ACAN: variants seen among roughly 807,000 people sequenced by gnomAD.
The protein encoded by ACAN is aggrecan core protein.
Under a neutral mutation model 169.1 loss-of-function variants are expected in ACAN, and 47 were observed. That is an observed-to-expected ratio of 0.28 (90% CI 0.22 to 0.35). The LOEUF (loss-of-function observed/expected upper bound fraction) is 0.35, where lower values mean the gene tolerates loss of function less well. Ranked by LOEUF, ACAN falls within the 10% of genes least tolerant of loss-of-function variation. The pLI is 1.00. For missense variants in ACAN, 2,716 were observed against 2,759.9 expected (o/e 0.98, Z 0.36); for synonymous variants, 1,115 against 1,112.2 (o/e 1.00, Z -0.05).
chr15:88,867,304 CAG>C (rs1835181809), intron 13 of ACAN, among the ~76,000 whole-genome samples: 1 of 152,176 alleles, frequency 6.6e-6, no homozygotes, highest in African/African-American at 2.4e-5. Flanking sequence ...ACCAGAAGAA[CAG>C]AAGAGAAGAG....
chr15:88,859,801 T>C (rs1282296504), intron 12 of ACAN, among the ~76,000 whole-genome samples: 1 of 152,218 alleles, frequency 6.6e-6, no homozygotes, highest in Non-Finnish European at 1.5e-5. Flanking sequence ...TAGATAGTGC[T>C]AGAAATTCTG....
chr15:88,856,878 G>T lies in ACAN; in HGVS notation c.4293G>T (p.Gly1431=). ...TTAPGVDEIS[G]LPSGEVLETT... ...CCCCTGGAGTAGATGAGATCAGTGG[G>T]CTTCCTTCTGGAGAAGTTCTAGAGA... The change falls in exon 12 of 19, where the codon GGG becomes GGT. Residue 1431 remains glycine, a synonymous_variant. Transcript: ENST00000560601. 3 of 1,591,812 alleles carry T rather than the reference G, an allele frequency of 1.9e-6. No homozygotes were observed. The highest frequency in any genetic ancestry group is 1.8e-4 in the Middle Eastern group (1 of 5,458).
rs766310483 is a variant in ACAN at position 88,851,960 on chromosome 15, G to T, written c.2193G>T (p.Glu731Asp). Residue 731 changes from glutamate (E) to aspartate (D), a missense_variant, in exon 11 of 19, where the codon GAG (glutamate) becomes GAT (aspartate). Around this residue, in one of 3 missense-constraint regions of ACAN, gnomAD observed 1,283 missense variants for 1,281.5 expected, o/e 1.00. Transcript: ENST00000560601. The surrounding 1 kb of genome is among the most constrained non-coding windows in gnomAD (Gnocchi z 4.3). ...CAGGGGAGACTACTGCCATCCTAGA[G>T]TTCACCACCGAGCCAGAAAACCAGA... ...VPSGETTAIL[E>D]FTTEPENQTE... The T allele has an allele frequency of 1.2e-5, 19 of 1,612,386 alleles. No homozygotes were observed. The highest frequency in any genetic ancestry group is 1.5e-5 in the Non-Finnish European group (18 of 1,179,332).
intron 4 of ACAN, among the ~76,000 whole-genome samples, chr15:88,840,937 G>A (rs1000487368): frequency 6.6e-6 from 1 of 152,194 alleles, no homozygotes; most frequent in Non-Finnish European, 1.5e-5. Flanking sequence ...GAAGTCAGGA[G>A]ATCGAGACCA....
intron 1 of ACAN, among the ~76,000 whole-genome samples, chr15:88,815,637 T>A (rs1242323779): frequency 2.1e-4 from 12 of 58,066 alleles, no homozygotes; most frequent in Admixed American, 4.3e-4. Flanking sequence ...TTTCAAGACA[T>A]GAAATGTTCT....
rs776985817 is a variant in ACAN at position 88,843,475 on chromosome 15, G to C, written c.878G>C (p.Gly293Ala). The C allele has an allele frequency of 1.2e-6, 2 of 1,611,956 alleles. No individual in the cohort carries two copies. Among genetic ancestry groups the C allele is most frequent in the Non-Finnish European group, 1.7e-6 (2 of 1,179,176 alleles). ...CAGCTCTACCTGGCCTGGCAGGCTGGCATGGACATGTGCAGCGCCGGCTGG... is the reference window on the plus strand; with the variant it reads ...CAGCTCTACCTGGCCTGGCAGGCTGCCATGGACATGTGCAGCGCCGGCTGG... ...TGQLYLAWQA[G>A]MDMCSAGWLA... is the part of the protein sequence containing the mutation. The change falls in exon 6 of 19, where the codon GGC becomes GCC. Residue 293 changes from glycine (G) to alanine (A), a missense_variant. This residue lies in a region of ACAN where 1,283 missense variants were observed against 1,281.5 expected (regional missense o/e 1.00). Coordinates refer to ENST00000560601, the MANE Select transcript of ACAN (RefSeq NM_001369268.1). This position sits in a 1 kb window ranked among gnomAD's most constrained non-coding sequence, Gnocchi z 4.0.
In ACAN at chr15:88,872,049, C is replaced by T. The variant is rs756998612; in HGVS notation, c.7266C>T (p.Ile2422=). Residue 2422 remains isoleucine (I), a synonymous_variant, in exon 16 of 19, where the codon ATC becomes ATT. Transcript: ENST00000560601. This position sits in a 1 kb window ranked among gnomAD's most constrained non-coding sequence, Gnocchi z 5.4. ...GGATCGGCCTGAACGACAGGACCAT[C>T]GAAGGGGACTTCCGCTGGTCAGATG... ...YQWIGLNDRT[I]EGDFRWSDGH... 1.9e-5 allele frequency: 30 copies of T among 1,613,936 alleles called. No individual in the cohort carries two copies. The African/African-American group carries it at 1.9e-4, about 10-fold the overall frequency.
intron 1 of ACAN, among the ~76,000 whole-genome samples, chr15:88,816,743 T>A (rs1034125984): frequency 6.6e-6 from 1 of 152,194 alleles, no homozygotes; most frequent in Non-Finnish European, 1.5e-5. Context: ...AGAGGCCTGT[T>A]ACCCAGAATG....
intron 9 of ACAN, 142 bp downstream of exon 9, chr15:88,848,180 C>A: frequency 7.8e-7 from 1 of 1,287,956 alleles, no homozygotes; most frequent in Non-Finnish European, 1.1e-6. Flanking sequence ...AAGGGTCCTG[C>A]TGAAAAAGGA....
chr15:88,832,375 C>G (rs1896386989), intron 1 of ACAN, among the ~76,000 whole-genome samples: 1 of 150,648 alleles, frequency 6.6e-6, no homozygotes, highest in Non-Finnish European at 1.5e-5. Flanking sequence ...TTTGGGAGGC[C>G]AAAGTGGGTG....
chr15:88,829,236 A>G (rs570716593), intron 1 of ACAN, among the ~76,000 whole-genome samples: 43 of 152,376 alleles, frequency 2.8e-4, no homozygotes, highest in African/African-American at 1.0e-3. Flanking sequence ...GGAAATATCA[A>G]AAGAGTATTG....
intron 1 of ACAN, among the ~76,000 whole-genome samples, chr15:88,831,705 T>G (rs1896369058): frequency 6.6e-6 from 1 of 152,218 alleles, no homozygotes; most frequent in African/African-American, 2.4e-5. Flanking sequence ...CATATGGCCT[T>G]GAGCAACTCA....
chr15:88,827,023 TAAG>T (rs1350143655), intron 1 of ACAN, among the ~76,000 whole-genome samples: 1 of 152,210 alleles, frequency 6.6e-6, no homozygotes, highest in Non-Finnish European at 1.5e-5. Context: ...AAGACTGTTC[TAAG>T]GATAAGAAAC....
In ACAN at chr15:88,838,561, G is replaced by A. The variant is rs1033043583; in HGVS notation, c.71-102G>A. ...GAGACAGACACACTCATCGGATTTC[G>A]CTCTCTCAGGAGAGTGCATTGCTGG... On this transcript the variant is annotated intron_variant, in intron 2 of 18. Transcript: ENST00000560601. The surrounding 1 kb of genome is among the most constrained non-coding windows in gnomAD (Gnocchi z 5.1). 1.1e-4 allele frequency: 144 copies of A among 1,361,554 alleles called. No individual in the cohort carries two copies. The highest frequency in any genetic ancestry group is 1.3e-4 in the Non-Finnish European group (128 of 995,762). The allele number at this position is 1,361,554 out of a possible 1,614,324, so 84.3% of individuals were successfully genotyped here.
chr15:88,830,833 T>C (rs533963621), intron 1 of ACAN, among the ~76,000 whole-genome samples: 48 of 152,094 alleles, frequency 3.2e-4, no homozygotes, highest in Admixed American at 3.0e-3. Flanking sequence ...TACACTAAAT[T>C]TGTAAAAATA....
chr15:88,845,290 C>A (rs1032420173), intron 6 of ACAN, among the ~76,000 whole-genome samples: 7 of 152,204 alleles, frequency 4.6e-5, no homozygotes, highest in African/African-American at 1.7e-4. Context: ...ATAGCTCTTG[C>A]ACTCTTGCAA....
intron 1 of ACAN, among the ~76,000 whole-genome samples, chr15:88,835,982 G>T (rs1896492592): frequency 6.6e-6 from 1 of 152,220 alleles, no homozygotes; most frequent in Non-Finnish European, 1.5e-5. Context: ...AGGTTTATTA[G>T]CCTAATGCCC....
intron 8 of ACAN, 31 bp from the exon 9 acceptor site, chr15:88,847,880 C>T (rs1441772592): frequency 6.2e-7 from 1 of 1,609,206 alleles, no homozygotes; most frequent in Non-Finnish European, 8.5e-7. Flanking sequence ...TGGAACAGGC[C>T]TTCATCTTCT....
intron 4 of ACAN, among the ~76,000 whole-genome samples, chr15:88,840,497 T>C (rs1174023680): frequency 1.3e-5 from 2 of 152,250 alleles, no homozygotes; most frequent in East Asian, 1.9e-4. Flanking sequence ...TGGTGTCCTC[T>C]GTATTTTTAT....
Sources: gnomAD v4.1 joint callset for allele counts (sites outside exome capture counted in the v4.1 genomes callset) on GRCh38, gnomAD v4.1.1 for gene constraint, gnomAD v4.1.1 regional missense constraint, Gnocchi (gnomAD v3.1) non-coding constraint, MANE v1.5 for transcripts, NCBI Gene and HGNC (gene_info 2026-07-23, HGNC 2026-07-21) for gene names.